The following WLS variants were observed in gnomAD, a reference collection of about 807,000 sequenced individuals.
WLS encodes protein wntless homolog.
Under a neutral mutation model 62.8 loss-of-function variants are expected in WLS, and 23 were observed. The observed-to-expected ratio is 0.37, with a 90% CI of 0.26 to 0.52. The LOEUF is 0.52. WLS is among the 20% of genes least tolerant of loss of function. WLS has a pLI of 0.92. For missense variants in WLS, 615 were observed against 697.3 expected (o/e 0.88, Z 1.33); for synonymous variants, 246 against 244.1 (o/e 1.01, Z -0.07).
At chr1:68,100,724 C>T (rs1284992312) in intron 11 of WLS, 1 of 152,146 alleles carries the variant, frequency 6.6e-6, no homozygotes, top group Non-Finnish European at 1.5e-5. Context: ...GGAATGGACT[C>T]TTTGTGGCAA....
At chr1:68,215,049 G>T (rs959977057) in intron 1 of WLS, among the ~76,000 whole-genome samples, 1 of 152,140 alleles carries the variant, frequency 6.6e-6, no homozygotes, top group African/African-American at 2.4e-5. Context: ...CGTGGCTAGT[G>T]CTTGGCTTGG....
chr1:68,118,112 T>C (rs1265066529), intron 11 of WLS, among the ~76,000 whole-genome samples: 1 of 152,176 alleles, frequency 6.6e-6, no homozygotes. Context: ...AAAAGCTCTA[T>C]ATCCTGGTAA....
intron 1 of WLS, among the ~76,000 whole-genome samples, chr1:68,214,302 T>C (rs537059870): frequency 7.2e-4 from 110 of 152,248 alleles, no homozygotes; most frequent in African/African-American, 2.6e-3. Flanking sequence ...AGAGGACTTA[T>C]TTCATCAAAA....
At chr1:68,135,932 C>T (rs907562813) in intron 11 of WLS, among the ~76,000 whole-genome samples, 3 of 152,204 alleles carry the variant, frequency 2.0e-5, no homozygotes. Flanking sequence ...CACAAGCCTT[C>T]TAGCAAAACA....
intron 2 of WLS, among the ~76,000 whole-genome samples, chr1:68,191,092 G>T (rs922897671): frequency 1.3e-5 from 2 of 150,780 alleles, no homozygotes; most frequent in African/African-American, 4.9e-5. Context: ...ATAGTTGAAA[G>T]CTCCTAACTT....
At chr1:68,144,415 A>G (rs948601349) in intron 10 of WLS, among the ~76,000 whole-genome samples, 154 bp downstream of exon 10, 32 of 152,326 alleles carry the variant, frequency 2.1e-4, no homozygotes, top group African/African-American at 7.7e-4. Flanking sequence ...CCATTTGGCC[A>G]GGTGATATCA....
At chr1:68,168,907 A>C (rs933342427) in intron 2 of WLS, among the ~76,000 whole-genome samples, 6 of 152,230 alleles carry the variant, frequency 3.9e-5, no homozygotes, top group African/African-American at 1.4e-4. Flanking sequence ...TGTCTTATAC[A>C]TGGTTAGGTC....
At chr1:68,146,168 G>A (rs1646750776) in intron 8 of WLS, among the ~76,000 whole-genome samples, 156 bp from the exon 9 acceptor site, 1 of 152,182 alleles carries the variant, frequency 6.6e-6, no homozygotes, top group Non-Finnish European at 1.5e-5. Flanking sequence ...ATATTCTAAT[G>A]CCAATGATAG....
chr1:68,205,777 G>T (rs1001025613), intron 1 of WLS, among the ~76,000 whole-genome samples: 1 of 152,192 alleles, frequency 6.6e-6, no homozygotes, highest in Non-Finnish European at 1.5e-5. Flanking sequence ...CTACTTCTGA[G>T]ATCAAAACTA....
intron 11 of WLS, among the ~76,000 whole-genome samples, chr1:68,112,550 A>C (rs1446226626): frequency 6.6e-6 from 1 of 152,154 alleles, no homozygotes; most frequent in Admixed American, 6.5e-5. Context: ...TGCCACCCAA[A>C]TAATGCTTGT....
At chr1:68,191,133 TAC>T (rs1648279079) in intron 2 of WLS, among the ~76,000 whole-genome samples, 2 of 151,634 alleles carry the variant, frequency 1.3e-5, no homozygotes, top group Admixed American at 1.3e-4. Context: ...GCATTATTAA[TAC>T]AGTCAGTAGA....
chr1:68,162,704 C>G (rs1646997597), intron 2 of WLS: 9 of 1,209,960 alleles, frequency 7.4e-6, no homozygotes, highest in Non-Finnish European at 9.8e-6. Flanking sequence ...TCTTCCACGG[C>G]TGCAGACGGG....
At chr1:68,199,234 C>T (rs1648857709) in intron 1 of WLS, among the ~76,000 whole-genome samples, 1 of 152,256 alleles carries the variant, frequency 6.6e-6, no homozygotes, top group South Asian at 2.1e-4. Context: ...TACTATTATG[C>T]AGGTACCGTA....
At chr1:68,180,336 G>T (rs1647480916) in intron 2 of WLS, among the ~76,000 whole-genome samples, 1 of 151,956 alleles carries the variant, frequency 6.6e-6, no homozygotes, top group South Asian at 2.1e-4. Context: ...CTTTAATGAA[G>T]GCATAATCTT....
chr1:68,168,083 G>C (rs1377757671), intron 2 of WLS, among the ~76,000 whole-genome samples: 2 of 152,132 alleles, frequency 1.3e-5, no homozygotes, highest in Non-Finnish European at 2.9e-5. Flanking sequence ...AGGAGGGCAA[G>C]TACCTTCTAT....
At chr1:68,124,308 A>G (rs530704545), downstream of WLS, among the ~76,000 whole-genome samples, 1 of 152,276 alleles carries the variant, frequency 6.6e-6, no homozygotes, top group South Asian at 2.1e-4. Context: ...CTCTTACCAC[A>G]GCATTAAAAA....
chr1:68,187,189 CAAAAAAA>C lies in WLS; in HGVS notation c.379+6759_379+6765del, dbSNP rs34130992. Among the ~76,000 whole-genome samples the C allele has an allele frequency of 1.4e-4, 8 of 57,196 alleles. 1 individual carries two copies. Among genetic ancestry groups the C allele is most frequent in the African/African-American group, 2.2e-4 (3 of 13,374 alleles). 37.5% of individuals were successfully genotyped at this position (57,196 alleles called of 152,430 possible). ...GGGGGACAGAGCAAGACTCCATCTC[CAAAAAAA>C]AAAAAAAAAAAAAAATTAGCAGCCA... On this transcript the variant is annotated intron_variant, in intron 2 of 11. Transcript: ENST00000262348.
intron 2 of WLS, among the ~76,000 whole-genome samples, chr1:68,164,902 A>T (rs1391498201): frequency 6.6e-6 from 1 of 152,076 alleles, no homozygotes; most frequent in Non-Finnish European, 1.5e-5. Flanking sequence ...TGTAGAAGAA[A>T]CTGTGCCACT....
intron 2 of WLS, among the ~76,000 whole-genome samples, chr1:68,181,763 A>T (rs1008548677): frequency 6.6e-6 from 1 of 152,206 alleles, no homozygotes; most frequent in Non-Finnish European, 1.5e-5. Context: ...CAGCTGCTAA[A>T]TTAAAGGATT....
Sources: allele counts gnomAD v4.1 joint callset (sites outside exome capture counted in the v4.1 genomes callset), GRCh38; gene constraint gnomAD v4.1.1; transcripts MANE v1.5; gene names NCBI Gene and HGNC (gene_info 2026-07-23, HGNC 2026-07-21).